EDAR: variants seen among roughly 807,000 people sequenced by gnomAD.
The protein encoded by EDAR is tumor necrosis factor receptor superfamily member EDAR.
In EDAR, 38 loss-of-function variants were observed where a neutral mutation model predicts 51.3. The observed-to-expected ratio is 0.74, with a 90% CI of 0.57 to 0.97. EDAR has a LOEUF of 0.97. Among genes scored for constraint, EDAR ranks in the 50% least tolerant of loss-of-function variants. The pLI is 0.00. For missense variants in EDAR, 528 were observed against 595.0 expected (o/e 0.89, Z 1.17); for synonymous variants, 227 against 242.1 (o/e 0.94, Z 0.58).
intron 1 of EDAR, among the ~76,000 whole-genome samples, chr2:108,981,467 G>C (rs1574417002): frequency 6.6e-6 from 1 of 152,130 alleles, no homozygotes; most frequent in African/African-American, 2.4e-5. Flanking sequence ...TGGCCTTGGG[G>C]ATACAAAGAG....
intron 1 of EDAR, among the ~76,000 whole-genome samples, chr2:108,934,991 C>T (rs898724912): frequency 2.6e-5 from 4 of 152,182 alleles, no homozygotes; most frequent in African/African-American, 9.7e-5. Context: ...AGTCGCCACC[C>T]AGCAGGTTCT....
In EDAR at chr2:108,896,323, A is replaced by T. The variant is rs1204636278; in HGVS notation, c.*584T>A. On this transcript the variant is annotated 3_prime_UTR_variant, in exon 12 of 12. Coordinates refer to ENST00000258443, the MANE Select transcript of EDAR (RefSeq NM_022336.4). ...GTACTAAACCTGAAATAATACCTGGAGCAGGGTGTCTGCATTTTGTTGCCA... is the reference window on the plus strand; with the variant it reads ...GTACTAAACCTGAAATAATACCTGGTGCAGGGTGTCTGCATTTTGTTGCCA... 1 of 154,572 alleles carries T rather than the reference A, an allele frequency of 6.5e-6. No individual in the cohort carries two copies. Among genetic ancestry groups the T allele is most frequent in the Non-Finnish European group, 1.4e-5 (1 of 69,452 alleles). The allele number at this position is 154,572 out of a possible 1,614,324, so 9.6% of individuals were successfully genotyped here. A position where few individuals can be genotyped will look rare whatever the true frequency, so the allele number is the denominator to read the frequency against.
intron 1 of EDAR, among the ~76,000 whole-genome samples, chr2:108,971,665 T>C (rs904609225): frequency 2.6e-5 from 4 of 152,160 alleles, no homozygotes; most frequent in African/African-American, 9.7e-5. Flanking sequence ...AAACTGAGGC[T>C]GAGAGATTTA....
Position 108,907,910 on chromosome 2 carries a change from G to T in EDAR, c.913C>A (p.Leu305Met). 6.2e-7 allele frequency: 1 copy of T among 1,613,698 alleles called. No individual in the cohort carries two copies. The highest frequency in any genetic ancestry group is 1.3e-5 in the African/African-American group (1 of 75,044). The change falls in exon 10 of 12, where the codon CTG becomes ATG. Residue 305 changes from leucine to methionine, a missense_variant. Coordinates refer to ENST00000258443, the MANE Select transcript of EDAR (RefSeq NM_022336.4). ...QGSPELCLLS[L>M]VHLAREKSAT... ...GACTTCTCCCTGGCCAGGTGAACCA[G>T]CGACAGCAGGCACAGCTCCGGGGAG...
chr2:108,934,732 C>T (rs1332919590), intron 1 of EDAR, among the ~76,000 whole-genome samples: 1 of 152,218 alleles, frequency 6.6e-6, no homozygotes, highest in Non-Finnish European at 1.5e-5. Flanking sequence ...ATAACGAACC[C>T]ACTCCCGCGA....
intron 5 of EDAR, among the ~76,000 whole-genome samples, chr2:108,917,644 A>G (rs972829171): frequency 1.3e-5 from 2 of 152,090 alleles, no homozygotes; most frequent in African/African-American, 4.8e-5. Flanking sequence ...TGCTAAGACT[A>G]GAGGGGGGTC....
intron 1 of EDAR, among the ~76,000 whole-genome samples, chr2:108,983,074 A>G (rs747699017): frequency 7.9e-5 from 12 of 152,208 alleles, no homozygotes; most frequent in Non-Finnish European, 1.5e-4. Context: ...CCGATGCACA[A>G]TTAGTTTGTG....
intron 5 of EDAR, among the ~76,000 whole-genome samples, chr2:108,916,154 T>A (rs1467247249): frequency 6.6e-6 from 1 of 152,154 alleles, no homozygotes; most frequent in Non-Finnish European, 1.5e-5. Context: ...CAGCATGACC[T>A]AATTTCCTTT....
chr2:108,971,248 G>A (rs552819029), intron 1 of EDAR, among the ~76,000 whole-genome samples: 31 of 152,082 alleles, frequency 2.0e-4, no homozygotes, highest in Admixed American at 6.5e-4. Context: ...ATATTTCTGC[G>A]CCTTTCTTCC....
At chr2:108,897,274 A>AATAG in intron 11 of EDAR, 45 bp from the exon 12 acceptor site, 1 of 1,546,862 alleles carries the variant, frequency 6.5e-7, no homozygotes, top group East Asian at 2.3e-5. Context: ...AGTCACAGTC[A>AATAG]ATAGAAGGTC....
intron 9 of EDAR, among the ~76,000 whole-genome samples, 154 bp from the exon 10 acceptor site, chr2:108,908,173 G>T (rs576836823): frequency 2.8e-4 from 43 of 152,080 alleles, no homozygotes; most frequent in Non-Finnish European, 4.9e-4. Flanking sequence ...GTGGGCACGG[G>T]ACCAGGGGAC....
chr2:108,939,809 A>G (rs963362227), intron 1 of EDAR, among the ~76,000 whole-genome samples: 1 of 152,144 alleles, frequency 6.6e-6, no homozygotes, highest in African/African-American at 2.4e-5. Flanking sequence ...GCTCAGAGAT[A>G]TTTGGAAAGC....
chr2:108,983,406 C>T (rs917297865), intron 1 of EDAR, among the ~76,000 whole-genome samples: 2 of 152,174 alleles, frequency 1.3e-5, no homozygotes, highest in Non-Finnish European at 2.9e-5. Context: ...GACACAGAGC[C>T]TCAATCCAAA....
intron 1 of EDAR, among the ~76,000 whole-genome samples, chr2:108,986,397 T>A (rs1268450826): frequency 6.6e-6 from 1 of 152,088 alleles, no homozygotes; most frequent in East Asian, 1.9e-4. Context: ...AGTGTTTGCT[T>A]ACTCCACTCT....
At chr2:108,904,133 G>A (rs528423001) in intron 11 of EDAR, among the ~76,000 whole-genome samples, 3 of 151,754 alleles carry the variant, frequency 2.0e-5, no homozygotes, top group East Asian at 3.9e-4. Flanking sequence ...AAAATCATAC[G>A]ATACCATTGA....
At chr2:108,927,423 C>T (rs1697277224) in intron 4 of EDAR, among the ~76,000 whole-genome samples, 1 of 152,182 alleles carries the variant, frequency 6.6e-6, no homozygotes, top group Non-Finnish European at 1.5e-5. Flanking sequence ...AGCTCACCAC[C>T]CTTCCAGTGT....
chr2:108,973,373 G>A (rs779973079), intron 1 of EDAR, among the ~76,000 whole-genome samples: 15 of 152,234 alleles, frequency 9.9e-5, no homozygotes, highest in Non-Finnish European at 1.9e-4. Context: ...AGGGCAGGAG[G>A]GCGGTGCAGA....
At chr2:108,987,803 C>T (rs1027132438) in intron 1 of EDAR, among the ~76,000 whole-genome samples, 6 of 152,222 alleles carry the variant, frequency 3.9e-5, no homozygotes, top group Admixed American at 3.3e-4. Context: ...TATTTCCAAG[C>T]CTTGACCAGA....
At chr2:108,923,742 A>G (rs921273845) in intron 4 of EDAR, among the ~76,000 whole-genome samples, 1 of 152,192 alleles carries the variant, frequency 6.6e-6, no homozygotes, top group Non-Finnish European at 1.5e-5. Context: ...GTGTGCCATC[A>G]CATCATCCAC....
Sources: gnomAD v4.1 joint callset for allele counts (sites outside exome capture counted in the v4.1 genomes callset) on GRCh38, gnomAD v4.1.1 for gene constraint, MANE v1.5 for transcripts, NCBI Gene and HGNC (gene_info 2026-07-23, HGNC 2026-07-21) for gene names.